Variants in CACNA2D1 observed in about 807,000 individuals in gnomAD.
The protein encoded by CACNA2D1 is voltage-dependent calcium channel subunit alpha-2/delta-1.
A neutral mutation model predicts 171.5 loss-of-function variants in CACNA2D1; 53 were observed. That is an observed-to-expected ratio of 0.31 (90% CI 0.25 to 0.39). The LOEUF (loss-of-function observed/expected upper bound fraction) is 0.39. Ranked by LOEUF, CACNA2D1 falls within the 10% of genes least tolerant of loss-of-function variation. The pLI, the probability that CACNA2D1 is intolerant of heterozygous loss-of-function variation, is 1.00. For synonymous variants in CACNA2D1, 442 were observed against 443.1 expected (o/e 1.00, Z 0.03); for missense variants, 903 against 1,299.8 (o/e 0.69, Z 4.69).
chr7:82,147,558 T>C (rs1793288508), intron 4 of CACNA2D1, among the ~76,000 whole-genome samples: 1 of 152,154 alleles, frequency 6.6e-6, no homozygotes, highest in South Asian at 2.1e-4. Context: ...AAACATTTCA[T>C]TTCTTATGTT....
chr7:82,190,680 A>G (rs1798203381), intron 3 of CACNA2D1, among the ~76,000 whole-genome samples: 1 of 151,748 alleles, frequency 6.6e-6, no homozygotes, highest in Non-Finnish European at 1.5e-5. Flanking sequence ...CAATAAAATA[A>G]TGAAATCCTC....
chr7:82,364,491 T>G (rs1328778875), intron 1 of CACNA2D1, among the ~76,000 whole-genome samples: 1 of 152,182 alleles, frequency 6.6e-6, no homozygotes, highest in African/African-American at 2.4e-5. Flanking sequence ...TTTCTTGCCC[T>G]GGGATACCAA....
At chr7:81,993,560 A>G (rs369894263) in intron 20 of CACNA2D1, among the ~76,000 whole-genome samples, 1 of 152,182 alleles carries the variant, frequency 6.6e-6, no homozygotes, top group East Asian at 1.9e-4. Flanking sequence ...CTTTTGAAAG[A>G]TATCACCTTA....
intron 1 of CACNA2D1, among the ~76,000 whole-genome samples, chr7:82,404,715 A>G (rs1254330232): frequency 1.3e-5 from 2 of 152,164 alleles, no homozygotes; most frequent in African/African-American, 4.8e-5. Context: ...TAATTTTACA[A>G]CTGCAGAAAA....
chr7:81,969,084 C>A, intron 28 of CACNA2D1, 111 bp from the exon 29 acceptor site: 2 of 683,746 alleles, frequency 2.9e-6, no homozygotes, highest in Non-Finnish European at 5.1e-6. Context: ...ATTCTAGCAT[C>A]TACAAACTAT....
rs37124 is a variant in CACNA2D1, at chr7:82,005,978, C to T, written c.1441-139G>A. Reference sequence around the variant, plus strand: ...ATGTATATATAGGGTGAAGCACTCTCAGTGTCAATTTACAAGGATTCTCAG... The same window carrying T: ...ATGTATATATAGGGTGAAGCACTCTTAGTGTCAATTTACAAGGATTCTCAG... On this transcript the variant is annotated intron_variant, in intron 16 of 38. Transcript: ENST00000356860. 7.3e-3 allele frequency: 5,026 copies of T among 690,382 alleles called. 185 individuals are homozygous for T. In the African/African-American group the frequency reaches 0.074, roughly 10 times the overall value. 42.8% of individuals were successfully genotyped at this position (690,382 alleles called of 1,614,324 possible). A position where few individuals can be genotyped will look rare whatever the true frequency, so the allele number is the denominator to read the frequency against.
chr7:82,352,420 T>C (rs1378021660), intron 1 of CACNA2D1, among the ~76,000 whole-genome samples: 1 of 152,214 alleles, frequency 6.6e-6, no homozygotes, highest in Non-Finnish European at 1.5e-5. Flanking sequence ...ACTGTTTTAT[T>C]AAATTTATCC....
At chr7:82,116,927 C>G (rs939876688) in intron 6 of CACNA2D1, 117 bp downstream of exon 6, 31 of 1,136,714 alleles carry the variant, frequency 2.7e-5, no homozygotes, top group Non-Finnish European at 3.7e-5. Context: ...ACCACAGACT[C>G]TTATATGACA....
intron 7 of CACNA2D1, among the ~76,000 whole-genome samples, chr7:82,076,993 T>C (rs921098551): frequency 3.3e-5 from 5 of 152,180 alleles, no homozygotes; most frequent in Admixed American, 1.3e-4. Flanking sequence ...TAATTACCTC[T>C]TCTTTTTCAA....
intron 3 of CACNA2D1, among the ~76,000 whole-genome samples, chr7:82,183,011 C>T (rs1331068712): frequency 6.8e-6 from 1 of 147,498 alleles, no homozygotes; most frequent in African/African-American, 2.5e-5. Flanking sequence ...CACTCCAGCC[C>T]GGGCAATAGT....
chr7:82,060,207 A>G lies in CACNA2D1; in HGVS notation c.879+221T>C, dbSNP rs1327925853. Reference sequence around the variant, plus strand: ...TATATATATTATATATATATTATATATATAATATATATATAATATATATAT... The same window carrying G: ...TATATATATTATATATATATTATATGTATAATATATATATAATATATATAT... On this transcript the variant is annotated intron_variant, in intron 10 of 38. Coordinates refer to ENST00000356860, the MANE Select transcript of CACNA2D1 (RefSeq NM_000722.4). 2.3e-4 allele frequency among the ~76,000 whole-genome samples: 7 copies of G among 31,094 alleles called. 1 individual carries two copies. The highest frequency in any genetic ancestry group is 1.3e-4 in the African/African-American group (1 of 7,928). 20.4% of individuals were successfully genotyped at this position (31,094 alleles called of 152,430 possible).
At chr7:82,226,116 T>A (rs1443394904) in intron 3 of CACNA2D1, among the ~76,000 whole-genome samples, 10 of 152,208 alleles carry the variant, frequency 6.6e-5, no homozygotes, top group African/African-American at 2.2e-4. Flanking sequence ...TGTCAGCCCT[T>A]CTTGGACTTC....
At chr7:82,035,995 A>C (rs1412634618) in intron 11 of CACNA2D1, among the ~76,000 whole-genome samples, 3 of 152,098 alleles carry the variant, frequency 2.0e-5, no homozygotes, top group Non-Finnish European at 2.9e-5. Context: ...TCTTAATCTA[A>C]CGGTGTCTAT....
intron 4 of CACNA2D1, among the ~76,000 whole-genome samples, chr7:82,146,345 A>T (rs1563115930): frequency 7.8e-6 from 1 of 128,376 alleles, no homozygotes; most frequent in African/African-American, 2.7e-5. Context: ...TGTGTGTAGA[A>T]GAAATGATAT....
chr7:82,061,755 T>C (rs1806950027), intron 9 of CACNA2D1, among the ~76,000 whole-genome samples: 1 of 152,110 alleles, frequency 6.6e-6, no homozygotes, highest in African/African-American at 2.4e-5. Context: ...GACAGTTTGA[T>C]GGGCAGGGGA....
At chr7:82,429,255 TTATAA>T (rs1253119123) in intron 1 of CACNA2D1, among the ~76,000 whole-genome samples, 1 of 152,220 alleles carries the variant, frequency 6.6e-6, no homozygotes, top group Non-Finnish European at 1.5e-5. Context: ...ATATAAATCA[TTATAA>T]TATATATTTG....
At chr7:82,016,160 A>G (rs1299594680) in intron 12 of CACNA2D1, among the ~76,000 whole-genome samples, 1 of 152,140 alleles carries the variant, frequency 6.6e-6, no homozygotes, top group African/African-American at 2.4e-5. Context: ...GGGTCTGTCT[A>G]TAAATTTCAA....
At chr7:82,286,226 A>T (rs1446280493) in intron 3 of CACNA2D1, among the ~76,000 whole-genome samples, 1 of 152,086 alleles carries the variant, frequency 6.6e-6, no homozygotes, top group African/African-American at 2.4e-5. Context: ...TTTGGAAGAA[A>T]GGGTCCCAAG....
At chr7:82,091,254 C>G (rs1332814737) in intron 6 of CACNA2D1, among the ~76,000 whole-genome samples, 1 of 152,102 alleles carries the variant, frequency 6.6e-6, no homozygotes, top group Non-Finnish European at 1.5e-5. Context: ...ATGTCTCGGG[C>G]ACCAGAATCC....
Sources: allele counts gnomAD v4.1 joint callset (sites outside exome capture counted in the v4.1 genomes callset), GRCh38; gene constraint gnomAD v4.1.1; transcripts MANE v1.5; gene names NCBI Gene and HGNC (gene_info 2026-07-23, HGNC 2026-07-21).